TXNRD1: variants seen among roughly 807,000 people sequenced by gnomAD.
TXNRD1 encodes thioredoxin reductase 1.
Under a neutral mutation model 80.3 loss-of-function variants are expected in TXNRD1, and 57 were observed. The ratio of observed to expected loss-of-function variants is 0.71; its 90% CI spans 0.57 to 0.89. TXNRD1 has a LOEUF of 0.89. Ranked by LOEUF, TXNRD1 falls within the 40% of genes least tolerant of loss-of-function variation. TXNRD1 has a pLI of 0.00. For synonymous variants in TXNRD1, 291 were observed against 285.2 expected, an observed-to-expected ratio of 1.02 and a Z score of -0.20; for missense variants, 730 against 803.0, an observed-to-expected ratio of 0.91 and a Z score of 1.10.
intron 2 of TXNRD1, among the ~76,000 whole-genome samples, chr12:104,253,128 T>C (rs756088280): frequency 3.9e-5 from 6 of 152,198 alleles, no homozygotes; most frequent in Admixed American, 3.3e-4. Flanking sequence ...AATGGGCTTA[T>C]GGGCTTTTTG....
At chr12:104,287,365 T>C in intron 3 of TXNRD1, 1 of 1,614,022 alleles carries the variant, frequency 6.2e-7, no homozygotes, top group Non-Finnish European at 8.5e-7. Context: ...GGCCGGCGCC[T>C]GTAGGCTGGC....
rs1306923772 is a variant in TXNRD1, at chr12:104,339,210, C to T, written c.1818C>T (p.Leu606=). The T allele has an allele frequency of 1.2e-6, 2 of 1,613,838 alleles. No individual in the cohort carries two copies. The highest frequency in any genetic ancestry group is 1.7e-6 in the Non-Finnish European group (2 of 1,179,888). The change falls in exon 16 of 17, where the codon CTC becomes CTT. Residue 606 remains leucine (L), a synonymous_variant. Transcript: ENST00000525566. ...TTACACAAGGCTTTGCAGCTGCGCT[C>T]AAATGTGGACTGACCAAAAAGCAGC... ...GEVTQGFAAA[L]KCGLTKKQLD... is the part of the protein sequence containing the mutation.
At chr12:104,342,061 G>A (rs982521088) in intron 16 of TXNRD1, among the ~76,000 whole-genome samples, 1 of 152,170 alleles carries the variant, frequency 6.6e-6, no homozygotes, top group African/African-American at 2.4e-5. Context: ...CCAGCACCTT[G>A]ATATTCACCA....
intron 10 of TXNRD1, among the ~76,000 whole-genome samples, chr12:104,321,966 A>G (rs949742148): frequency 6.7e-6 from 1 of 149,956 alleles, no homozygotes; most frequent in African/African-American, 2.5e-5. Flanking sequence ...TGGTGGGACT[A>G]TTTTGTTAAA....
At chr12:104,288,732 C>A in intron 3 of TXNRD1, 199 bp from the exon 4 acceptor site, 1 of 1,436,582 alleles carries the variant, frequency 7.0e-7, no homozygotes. Context: ...TGCGGATTTG[C>A]CGGGGTCAGA....
intron 2 of TXNRD1, among the ~76,000 whole-genome samples, chr12:104,252,229 G>A (rs913902810): frequency 2.0e-5 from 3 of 152,046 alleles, no homozygotes; most frequent in African/African-American, 7.3e-5. Context: ...TAGGGTGGGG[G>A]AGTTACCAAA....
chr12:104,313,451 A>T, intron 6 of TXNRD1, 134 bp downstream of exon 6: 1 of 640,660 alleles, frequency 1.6e-6, no homozygotes, highest in East Asian at 2.9e-5. Flanking sequence ...AAACATATAT[A>T]TCTTTTATTT....
intron 3 of TXNRD1, among the ~76,000 whole-genome samples, chr12:104,276,260 G>A (rs1370916114): frequency 2.0e-5 from 3 of 152,336 alleles, no homozygotes; most frequent in East Asian, 1.9e-4. Flanking sequence ...TGGTAAAGGC[G>A]AGCTTTAGCA....
intron 1 of TXNRD1, among the ~76,000 whole-genome samples, chr12:104,228,786 C>T (rs1012254134): frequency 2.0e-5 from 3 of 151,730 alleles, no homozygotes; most frequent in Non-Finnish European, 4.4e-5. Context: ...ATGATTTGAT[C>T]TCGGCTCACT....
chr12:104,244,288 T>G (rs944906044), intron 1 of TXNRD1, among the ~76,000 whole-genome samples: 1 of 152,080 alleles, frequency 6.6e-6, no homozygotes, highest in Non-Finnish European at 1.5e-5. Flanking sequence ...TGAGGAGGAG[T>G]GTCCTGGAGT....
At position 104,240,750 on chromosome 12, in the gene TXNRD1, A is replaced by ATTT. The variant is rs11422135; in HGVS notation, c.92-10764_92-10762dup. Among the ~76,000 whole-genome samples the ATTT allele has an allele frequency of 2.4e-4, 35 of 143,008 alleles. 1 individual carries two copies. The highest frequency in any genetic ancestry group is 3.3e-4 in the Non-Finnish European group (22 of 66,242). 93.8% of individuals were successfully genotyped at this position (143,008 alleles called of 152,430 possible). The stretch of plus-strand genomic sequence containing the variant: ...TGTCCAGAAAAGGTATCTTTGTGGA[A>ATTT]TTTTTTTTTTTTTTTGGAGTGTTGC... On this transcript the variant is annotated intron_variant, in intron 1 of 16. Coordinates refer to ENST00000525566, the MANE Select transcript of TXNRD1 (RefSeq NM_001093771.3).
intron 16 of TXNRD1, among the ~76,000 whole-genome samples, chr12:104,345,007 A>G (rs1284221684): frequency 1.3e-5 from 2 of 152,204 alleles, no homozygotes; most frequent in African/African-American, 4.8e-5. Flanking sequence ...GTCCAGACAT[A>G]TTCTGTGGGG....
At chr12:104,323,602 A>G (rs12818270) in intron 10 of TXNRD1, among the ~76,000 whole-genome samples, 7,955 of 16,296 alleles carry the variant, frequency 0.49, 2,067 homozygotes, top group African/African-American at 0.65. Flanking sequence ...CCTCCCTCCC[A>G]GACGGGGCGG....
At chr12:104,343,387 G>C (rs967994450) in intron 16 of TXNRD1, among the ~76,000 whole-genome samples, 3 of 152,122 alleles carry the variant, frequency 2.0e-5, no homozygotes, top group Non-Finnish European at 4.4e-5. Context: ...AATGATTCTT[G>C]GTAGCAACAC....
chr12:104,225,376 C>T (rs967578791), intron 1 of TXNRD1, among the ~76,000 whole-genome samples: 2 of 152,212 alleles, frequency 1.3e-5, no homozygotes, highest in African/African-American at 4.8e-5. Flanking sequence ...CTGTGCTCTA[C>T]TGCCTTGCTT....
intron 1 of TXNRD1, among the ~76,000 whole-genome samples, chr12:104,231,460 C>G (rs537100783): frequency 6.6e-6 from 1 of 152,214 alleles, no homozygotes; most frequent in East Asian, 1.9e-4. Context: ...AATATTAATA[C>G]AAGACATATA....
chr12:104,329,726 G>A (rs908120128), intron 13 of TXNRD1, among the ~76,000 whole-genome samples: 1 of 152,034 alleles, frequency 6.6e-6, no homozygotes, highest in Non-Finnish European at 1.5e-5. Flanking sequence ...TGTCTCAGCC[G>A]TAATCTAGGA....
At chr12:104,224,710 G>A (rs945161997) in intron 1 of TXNRD1, 2 of 390,252 alleles carry the variant, frequency 5.1e-6, no homozygotes, top group African/African-American at 4.2e-5. Flanking sequence ...TGAATTTCCT[G>A]TTTGGGATAG....
chr12:104,248,006 A>G (rs1204835107), intron 1 of TXNRD1, among the ~76,000 whole-genome samples: 1 of 152,166 alleles, frequency 6.6e-6, no homozygotes, highest in Non-Finnish European at 1.5e-5. Flanking sequence ...ACATTCTGTG[A>G]TTCTCATTCT....
Sources: gnomAD v4.1 joint callset for allele counts (sites outside exome capture counted in the v4.1 genomes callset) on GRCh38, gnomAD v4.1.1 for gene constraint, MANE v1.5 for transcripts, NCBI Gene and HGNC (gene_info 2026-07-23, HGNC 2026-07-21) for gene names.